Variants in CDC34 observed in about 807,000 individuals in gnomAD.
The protein encoded by CDC34 is ubiquitin-conjugating enzyme E2 R1.
CDC34 carries 18 observed loss-of-function variants against 26.8 expected under a neutral mutation model. That is an observed-to-expected ratio of 0.67 (90% CI 0.47 to 1.00). CDC34 has a LOEUF of 1.00. Among genes scored for constraint, CDC34 ranks in the 50% least tolerant of loss-of-function variants. The pLI is 0.00. For missense variants in CDC34, 280 were observed against 334.5 expected (o/e 0.84, Z 1.27); for synonymous variants, 178 against 147.5 (o/e 1.21, Z -1.50).
rs181829016 is a variant in CDC34, at chr19:537,159, C to T, written c.497+12C>T. On this transcript the variant is annotated intron_variant, in intron 4 of 4. Coordinates refer to ENST00000215574, the MANE Select transcript of CDC34 (RefSeq NM_004359.2). ...ACAGACATCATCCGGTGAGGGCGGGCGGGGGCGTCACGGGAGGAGAGACTC... is the reference window on the plus strand; with the variant it reads ...ACAGACATCATCCGGTGAGGGCGGGTGGGGGCGTCACGGGAGGAGAGACTC... 589 of 1,611,994 alleles carry T rather than the reference C, an allele frequency of 3.7e-4. 3 individuals are homozygous for T. In the African/African-American group the frequency reaches 6.6e-3, roughly 18 times the overall value.
Position 541,501 on chromosome 19 carries a change from C to A in CDC34, c.660C>A (p.Ala220=). 1 of 1,609,856 alleles carries A rather than the reference C, an allele frequency of 6.2e-7. No individual in the cohort carries two copies. Among genetic ancestry groups the A allele is most frequent in the Non-Finnish European group, 8.5e-7 (1 of 1,177,934 alleles). Residue 220 remains alanine, a synonymous_variant, in exon 5 of 5, where the codon GCC becomes GCA. Transcript: ENST00000215574. Reference sequence around the variant, plus strand: ...AGGACGGCGAGGTGGAGGAGGAGGCCGACAGCTGCTTCGGGGACGATGAGG... The same window carrying A: ...AGGACGGCGAGGTGGAGGAGGAGGCAGACAGCTGCTTCGGGGACGATGAGG... ...YYEDGEVEEE[A]DSCFGDDEDD... is the part of the protein sequence containing the mutation.
At chr19:539,166 C>A in intron 4 of CDC34, 1 of 301,330 alleles carries the variant, frequency 3.3e-6, no homozygotes, top group Non-Finnish European at 4.9e-6. Flanking sequence ...GGGCAGGCTG[C>A]CGTGGAGCCC....
rs369990220 is a variant in CDC34 at position 541,460 on chromosome 19, T to G, written c.619T>G (p.Tyr207Asp). The G allele has an allele frequency of 4.8e-5, 78 of 1,612,722 alleles. 1 individual carries two copies. Among genetic ancestry groups the G allele is most frequent in the African/African-American group, 9.3e-5 (7 of 75,042 alleles). Residue 207 changes from tyrosine (Y) to aspartate (D), a missense_variant, in exon 5 of 5, where the codon TAC (tyrosine) becomes GAC (aspartate). Coordinates refer to ENST00000215574, the MANE Select transcript of CDC34 (RefSeq NM_004359.2). Reference sequence around the variant, plus strand: ...GCCCGACGAGGGCTCAGACCTCTTCTACGACGACTACTACGAGGACGGCGA... The same window carrying G: ...GCCCGACGAGGGCTCAGACCTCTTCGACGACGACTACTACGAGGACGGCGA... ...PAPDEGSDLF[Y>D]DDYYEDGEVE...
In CDC34 at chr19:541,645, T is replaced by TC; in HGVS notation, c.*97dup. 1 of 1,366,124 alleles carries TC rather than the reference T, an allele frequency of 7.3e-7. No individual in the cohort carries two copies. Among genetic ancestry groups the TC allele is most frequent in the Middle Eastern group, 2.0e-4 (1 of 5,028 alleles). 84.6% of individuals were successfully genotyped at this position (1,366,124 alleles called of 1,614,324 possible). A position where few individuals can be genotyped will look rare whatever the true frequency, so the allele number is the denominator to read the frequency against. The stretch of plus-strand genomic sequence containing the variant: ...CTACCTCACGGAGGTTTTGTGCTGG[T>TC]CCCCGTCTCCTCTGGTTGTTTCGTT... On this transcript the variant is annotated 3_prime_UTR_variant, in exon 5 of 5. Coordinates refer to ENST00000215574, the MANE Select transcript of CDC34 (RefSeq NM_004359.2).
At chr19:538,825 C>T (rs1360981453) in intron 4 of CDC34, 3 of 985,070 alleles carry the variant, frequency 3.0e-6, no homozygotes, top group Non-Finnish European at 3.6e-6. Context: ...TGGGAAGTGG[C>T]CTGCAAGCAC....
At chr19:532,667 T>A (rs1467991141) in intron 1 of CDC34, among the ~76,000 whole-genome samples, 2 of 152,168 alleles carry the variant, frequency 1.3e-5, no homozygotes, top group African/African-American at 4.8e-5. Flanking sequence ...TCGCTCAGTC[T>A]CCAACAAAGG....
intron 4 of CDC34, among the ~76,000 whole-genome samples, chr19:540,013 T>A (rs1486443241): frequency 1.6e-5 from 2 of 125,710 alleles, no homozygotes; most frequent in African/African-American, 3.2e-5. Flanking sequence ...GGCCCCCAGG[T>A]TTAGAATCCG....
Position 541,364 on chromosome 19 carries a change from G to T in CDC34, c.523G>T (p.Asp175Tyr). Residue 175 changes from aspartate to tyrosine, a missense_variant, in exon 5 of 5, where the codon GAC becomes TAC. By Grantham distance (160) the Asp-to-Tyr change is radical. Coordinates refer to ENST00000215574, the MANE Select transcript of CDC34 (RefSeq NM_004359.2). Reference sequence around the variant, plus strand: ...GAAGCAGGTCCTGGGGACCAAGGTGGACGCGGAGCGTGACGGCGTGAAGGT... The same window carrying T: ...GAAGCAGGTCCTGGGGACCAAGGTGTACGCGGAGCGTGACGGCGTGAAGGT... ...IRKQVLGTKV[D>Y]AERDGVKVPT... The T allele has an allele frequency of 6.3e-7, 1 of 1,597,546 alleles. No individual in the cohort carries two copies. Among genetic ancestry groups the T allele is most frequent in the Non-Finnish European group, 8.5e-7 (1 of 1,174,362 alleles).
chr19:538,564 A>G (rs1042323949), intron 4 of CDC34: 5 of 298,964 alleles, frequency 1.7e-5, no homozygotes, highest in Non-Finnish European at 2.5e-5. Context: ...GTGATATTGC[A>G]TAGATTTCCT....
intron 2 of CDC34, 89 bp from the exon 3 acceptor site, chr19:536,154 G>T: frequency 9.0e-7 from 1 of 1,112,414 alleles, no homozygotes; most frequent in Non-Finnish European, 1.3e-6. Flanking sequence ...TCACGTCCTC[G>T]TCCTCCACGT....
chr19:531,928 C>T lies in CDC34; in HGVS notation c.-4C>T, dbSNP rs1979505623. 7.0e-7 allele frequency: 1 copy of T among 1,421,606 alleles called. No individual in the cohort carries two copies. Among genetic ancestry groups the T allele is most frequent in the South Asian group, 1.5e-5 (1 of 65,800 alleles). The allele number at this position is 1,421,606 out of a possible 1,614,324, so 88.1% of individuals were successfully genotyped here. On this transcript the variant is annotated 5_prime_UTR_variant, in exon 1 of 5. Coordinates refer to ENST00000215574, the MANE Select transcript of CDC34 (RefSeq NM_004359.2). ...CTCCGACCCCGGGCCCCTCCGCCGCCGCCATGGCTCGGCCGCTAGTGCCCA... is the reference window on the plus strand; with the variant it reads ...CTCCGACCCCGGGCCCCTCCGCCGCTGCCATGGCTCGGCCGCTAGTGCCCA...
rs1341984799 is a variant in CDC34, at chr19:535,887, G to T, written c.228G>T (p.Arg76=). ...ACCCATACTCTCCACCAGCCTTTCG[G>T]TTCCTGACCAAGATGTGGCACCCTA... ...IDYPYSPPAF[R]FLTKMWHPNI... is the part of the protein sequence containing the mutation. The change falls in exon 2 of 5, where the codon CGG becomes CGT. Residue 76 remains arginine (R), a synonymous_variant. Coordinates refer to ENST00000215574, the MANE Select transcript of CDC34 (RefSeq NM_004359.2). 3 of 1,613,962 alleles carry T rather than the reference G, an allele frequency of 1.9e-6. No homozygotes were observed. Among genetic ancestry groups the T allele is most frequent in the Non-Finnish European group, 2.5e-6 (3 of 1,180,004 alleles).
At position 537,859 on chromosome 19, in the gene CDC34, C is replaced by T. The variant is rs1338856067; in HGVS notation, c.497+712C>T. Among the ~76,000 whole-genome samples the T allele has an allele frequency of 3.4e-5, 5 of 148,040 alleles. No individual in the cohort carries two copies. In the East Asian group the frequency reaches 6.2e-4, roughly 18 times the overall value. ...TTTAGTAGAGGTGGGATTTCACCAT[C>T]TTAGCCAGGCTGGTCTCAAACTCCT... On this transcript the variant is annotated intron_variant, in intron 4 of 4. Transcript: ENST00000215574.
intron 1 of CDC34, among the ~76,000 whole-genome samples, chr19:533,114 C>A (rs1303517527): frequency 5.9e-5 from 9 of 152,206 alleles, no homozygotes; most frequent in Admixed American, 5.9e-4. Context: ...ATCTCACGAT[C>A]CAGACGTGAC....
At position 541,469 on chromosome 19, in the gene CDC34, T is replaced by G; in HGVS notation, c.628T>G (p.Tyr210Asp). The change falls in exon 5 of 5, where the codon TAC becomes GAC. Residue 210 changes from tyrosine to aspartate, a missense_variant. Tyr to Asp is a radical substitution (Grantham distance 160). Coordinates refer to ENST00000215574, the MANE Select transcript of CDC34 (RefSeq NM_004359.2). ...DEGSDLFYDDYYEDGEVEEEA... is the reference protein window; with the variant it reads ...DEGSDLFYDDDYEDGEVEEEA... Reference sequence around the variant, plus strand: ...GGGCTCAGACCTCTTCTACGACGACTACTACGAGGACGGCGAGGTGGAGGA... The same window carrying G: ...GGGCTCAGACCTCTTCTACGACGACGACTACGAGGACGGCGAGGTGGAGGA... 1 of 1,612,470 alleles carries G rather than the reference T, an allele frequency of 6.2e-7. No individual in the cohort carries two copies. Among genetic ancestry groups the G allele is most frequent in the South Asian group, 1.1e-5 (1 of 91,018 alleles).
intron 1 of CDC34, among the ~76,000 whole-genome samples, chr19:535,024 C>T (rs569823925): frequency 6.6e-6 from 1 of 152,340 alleles, no homozygotes; most frequent in South Asian, 2.1e-4. Flanking sequence ...GCACTGGGGC[C>T]CAGCAGGAAA....
chr19:535,004 T>G (rs7259421), intron 1 of CDC34, among the ~76,000 whole-genome samples: 5 of 152,022 alleles, frequency 3.3e-5, no homozygotes, highest in Non-Finnish European at 5.9e-5. Flanking sequence ...CCAGACAACC[T>G]CTGTGTCTGG....
At chr19:535,630 G>A (rs768215977) in intron 1 of CDC34, among the ~76,000 whole-genome samples, 3 of 152,248 alleles carry the variant, frequency 2.0e-5, no homozygotes, top group Non-Finnish European at 4.4e-5. Context: ...GCTGGGATCA[G>A]CTCGGGTGAC....
Position 541,529 on chromosome 19 carries a change from G to T in CDC34, c.688G>T (p.Asp230Tyr). ...CAGCTGCTTCGGGGACGATGAGGAT[G>T]ACTCTGGCACGGAGGAGTCCTGACA... ...ADSCFGDDEDDSGTEES is the reference protein window; with the variant it reads ...ADSCFGDDEDYSGTEES The change falls in exon 5 of 5, where the codon GAC becomes TAC. Residue 230 changes from aspartate to tyrosine, a missense_variant. Coordinates refer to ENST00000215574, the MANE Select transcript of CDC34 (RefSeq NM_004359.2). 1.2e-6 allele frequency: 2 copies of T among 1,604,022 alleles called. No homozygotes were observed. Among genetic ancestry groups the T allele is most frequent in the Non-Finnish European group, 1.7e-6 (2 of 1,174,112 alleles).
Sources: allele counts gnomAD v4.1 joint callset (sites outside exome capture counted in the v4.1 genomes callset), GRCh38; gene constraint gnomAD v4.1.1; transcripts MANE v1.5; gene names NCBI Gene and HGNC (gene_info 2026-07-23, HGNC 2026-07-21).